The following EDA variants were observed in gnomAD, a reference collection of about 807,000 sequenced individuals.
The protein encoded by EDA is ectodysplasin-A.
EDA carries 2 observed loss-of-function variants against 23.6 expected under a neutral mutation model. The observed-to-expected ratio is 0.08, with a 90% CI of 0.03 to 0.27. The LOEUF (loss-of-function observed/expected upper bound fraction) is 0.27. Ranked by LOEUF, EDA falls within the 10% of genes least tolerant of loss-of-function variation. The pLI is 1.00. For missense variants in EDA, 229 were observed against 324.2 expected (o/e 0.71, Z 2.26); for synonymous variants, 131 against 132.0 (o/e 0.99, Z 0.05).
At chrX:69,834,787 T>A (rs1444357335) in intron 1 of EDA, among the ~76,000 whole-genome samples, 1 of 111,730 alleles carries the variant, frequency 9.0e-6, no homozygotes, top group East Asian at 2.8e-4. Flanking sequence ...CCTCATTAAT[T>A]GATGCAGTTT....
At chrX:69,880,329 A>G (rs1204447891) in intron 1 of EDA, among the ~76,000 whole-genome samples, 2 of 112,381 alleles carry the variant, frequency 1.8e-5, no homozygotes, top group East Asian at 2.8e-4. Flanking sequence ...TCTCCAATAC[A>G]TGAGATGAGC....
intron 1 of EDA, among the ~76,000 whole-genome samples, chrX:69,934,722 G>T (rs1054648467): frequency 1.6e-4 from 18 of 111,301 alleles, no homozygotes; most frequent in African/African-American, 5.9e-4. Context: ...ATCACAACAA[G>T]GTAAATGCAG....
intron 1 of EDA, among the ~76,000 whole-genome samples, chrX:69,873,811 C>T (rs2017602630): frequency 8.9e-6 from 1 of 111,878 alleles, no homozygotes; most frequent in South Asian, 3.8e-4. Flanking sequence ...AAGAGGGAAT[C>T]CTCTCTGAAT....
chrX:69,681,601 C>T (rs1364560782), intron 1 of EDA, among the ~76,000 whole-genome samples: 3 of 111,007 alleles, frequency 2.7e-5, no homozygotes, highest in Non-Finnish European at 5.7e-5. Flanking sequence ...CCCTTTCTTC[C>T]AGTTGATCGC....
intron 1 of EDA, among the ~76,000 whole-genome samples, chrX:69,792,220 T>C (rs956850058): frequency 1.8e-5 from 2 of 111,948 alleles, no homozygotes; most frequent in African/African-American, 3.2e-5. Context: ...GATATTAATA[T>C]CTGGTTTTTC....
chrX:69,770,105 T>C (rs1237908278), intron 1 of EDA, among the ~76,000 whole-genome samples: 1 of 112,664 alleles, frequency 8.9e-6, no homozygotes, highest in African/African-American at 3.2e-5. Flanking sequence ...TTATTCCTTT[T>C]ATTTGTTCAC....
chrX:69,821,472 A>C (rs1195524028), intron 1 of EDA, among the ~76,000 whole-genome samples: 1 of 112,162 alleles, frequency 8.9e-6, no homozygotes, highest in African/African-American at 3.2e-5. Context: ...GAATTTCCAA[A>C]ATTTTCAAGT....
intron 1 of EDA, among the ~76,000 whole-genome samples, chrX:69,789,354 C>G (rs747758288): frequency 8.9e-6 from 1 of 112,451 alleles, no homozygotes; most frequent in African/African-American, 3.2e-5. Flanking sequence ...TAAGGGAATA[C>G]AATCTGGTTT....
intron 1 of EDA, among the ~76,000 whole-genome samples, chrX:69,871,457 G>A (rs2017564891): frequency 9.0e-6 from 1 of 111,604 alleles, no homozygotes; most frequent in Admixed American, 9.5e-5. Context: ...TTGGAACTTG[G>A]AGTCCAGTGT....
At chrX:69,880,248 C>G (rs2017723518) in intron 1 of EDA, among the ~76,000 whole-genome samples, 1 of 111,448 alleles carries the variant, frequency 9.0e-6, no homozygotes, top group Non-Finnish European at 1.9e-5. Flanking sequence ...TTTTCATTCA[C>G]CTTTTCAGCT....
intron 1 of EDA, among the ~76,000 whole-genome samples, chrX:69,908,603 A>G (rs2018212805): frequency 9.1e-6 from 1 of 110,289 alleles, no homozygotes; most frequent in Admixed American, 9.8e-5. Flanking sequence ...AAAATATTGC[A>G]TCTGGAGGAA....
chrX:69,919,197 T>A (rs2018391188), intron 1 of EDA, among the ~76,000 whole-genome samples: 1 of 112,087 alleles, frequency 8.9e-6, no homozygotes, highest in African/African-American at 3.2e-5. Context: ...GTCTATACAA[T>A]TTAACTAAGT....
chrX:69,928,481 A>G (rs1569375850), intron 1 of EDA, among the ~76,000 whole-genome samples: 1 of 111,793 alleles, frequency 8.9e-6, no homozygotes, highest in East Asian at 2.8e-4. Flanking sequence ...GGGGGTGGGT[A>G]GATTTTGAAA....
chrX:69,658,249 T>C (rs989670576), intron 1 of EDA, among the ~76,000 whole-genome samples: 1 of 107,444 alleles, frequency 9.3e-6, no homozygotes, highest in East Asian at 2.9e-4. Context: ...TGTGTGTGTG[T>C]GTATTGTAAA....
intron 1 of EDA, among the ~76,000 whole-genome samples, chrX:69,812,792 A>G (rs1376487866): frequency 8.9e-6 from 1 of 112,182 alleles, no homozygotes; most frequent in African/African-American, 3.2e-5. Flanking sequence ...TCACAAATAG[A>G]TACCCAACTT....
chrX:69,784,425 G>C (rs2015075968), intron 1 of EDA, among the ~76,000 whole-genome samples: 1 of 96,318 alleles, frequency 1.0e-5, no homozygotes, highest in Non-Finnish European at 2.1e-5. Context: ...ATGGTTTTAG[G>C]TCTAACATTT....
chrX:69,987,289 TAAA>T (rs1325490950), intron 2 of EDA, among the ~76,000 whole-genome samples: 24 of 86,304 alleles, frequency 2.8e-4, no homozygotes, highest in Admixed American at 2.2e-3. Context: ...AAAAAAAAAT[TAAA>T]AAAAAAAATT....
intron 1 of EDA, among the ~76,000 whole-genome samples, chrX:69,669,643 T>C (rs1011990160): frequency 1.8e-5 from 2 of 111,790 alleles, no homozygotes; most frequent in Non-Finnish European, 3.8e-5. Flanking sequence ...TTAGTTATTG[T>C]TAACCATCTT....
intron 1 of EDA, among the ~76,000 whole-genome samples, chrX:69,869,553 C>T (rs1181803962): frequency 9.0e-6 from 1 of 111,548 alleles, no homozygotes; most frequent in African/African-American, 3.3e-5. Flanking sequence ...TAAACGGGCT[C>T]AAGTCTGGAA....
Sources: allele counts gnomAD v4.1 joint callset (sites outside exome capture counted in the v4.1 genomes callset), GRCh38; gene constraint gnomAD v4.1.1; transcripts MANE v1.5; gene names NCBI Gene and HGNC (gene_info 2026-07-23, HGNC 2026-07-21).